The following CTNNA2 variants were observed in gnomAD, a reference collection of about 807,000 sequenced individuals.
CTNNA2 encodes catenin alpha-2.
In CTNNA2, 42 loss-of-function variants were observed where a neutral mutation model predicts 101.0. The ratio of observed to expected loss-of-function variants is 0.42; its 90% CI spans 0.32 to 0.54. The LOEUF (loss-of-function observed/expected upper bound fraction) is 0.54. Ranked by LOEUF, CTNNA2 falls within the 20% of genes least tolerant of loss-of-function variation. The pLI is 0.14. For missense variants in CTNNA2, 871 were observed against 1,223.1 expected, an observed-to-expected ratio of 0.71 and a Z score of 4.29; for synonymous variants, 450 against 456.4, an observed-to-expected ratio of 0.99 and a Z score of 0.18.
At chr2:79,683,237 G>A (rs1308363284) in intron 2 of CTNNA2, among the ~76,000 whole-genome samples, 1 of 152,192 alleles carries the variant, frequency 6.6e-6, no homozygotes, top group Admixed American at 6.5e-5. Flanking sequence ...CCTGCTTTGA[G>A]AAACAGCTTC....
At chr2:80,120,085 CCT>C (rs1208486313) in intron 7 of CTNNA2, among the ~76,000 whole-genome samples, 1 of 152,134 alleles carries the variant, frequency 6.6e-6, no homozygotes, top group Non-Finnish European at 1.5e-5. Flanking sequence ...TTTAAATTTT[CCT>C]CTCTTTCTTG....
At position 79,935,405 on chromosome 2, in the gene CTNNA2, T is replaced by TG. The variant is rs552544600; in HGVS notation, c.1056+25609dup. Among the ~76,000 whole-genome samples the TG allele has an allele frequency of 4.7e-4, 71 of 152,168 alleles. 1 individual carries two copies. The highest frequency in any genetic ancestry group is 9.1e-4 in the Non-Finnish European group (62 of 67,998). Reference sequence around the variant, plus strand: ...AAATAATTTTAAATTTACAAAAAGTTGCAGAAAAGTACAAAGAACGATATA... The same window carrying TG: ...AAATAATTTTAAATTTACAAAAAGTTGGCAGAAAAGTACAAAGAACGATATA... On this transcript the variant is annotated intron_variant, in intron 7 of 18. Coordinates refer to ENST00000402739, the MANE Select transcript of CTNNA2 (RefSeq NM_001282597.3).
intron 7 of CTNNA2, among the ~76,000 whole-genome samples, chr2:80,316,365 A>G (rs2149238234): frequency 6.6e-6 from 1 of 152,352 alleles, no homozygotes; most frequent in African/African-American, 2.4e-5. Flanking sequence ...ACAGCTAGGC[A>G]TGTACTTAAA....
intron 14 of CTNNA2, among the ~76,000 whole-genome samples, chr2:80,587,238 A>C (rs541539384): frequency 7.2e-5 from 11 of 152,292 alleles, no homozygotes; most frequent in African/African-American, 2.4e-4. Flanking sequence ...TTTGACATAC[A>C]TAAGCCTCAG....
chr2:80,078,036 T>C (rs1262904987), intron 7 of CTNNA2, among the ~76,000 whole-genome samples: 2 of 151,912 alleles, frequency 1.3e-5, no homozygotes, highest in East Asian at 3.9e-4. Flanking sequence ...AAGATTCCAC[T>C]TGTCCTACAG....
chr2:80,392,848 A>G (rs898664681), intron 7 of CTNNA2, among the ~76,000 whole-genome samples: 3 of 152,214 alleles, frequency 2.0e-5, no homozygotes, highest in Admixed American at 6.5e-5. Flanking sequence ...TTCTATTCAG[A>G]AATGTGCCTA....
At chr2:79,425,039 G>C (rs527599479) in intron 4 of CTNNA2, among the ~76,000 whole-genome samples, 1 of 152,218 alleles carries the variant, frequency 6.6e-6, no homozygotes, top group East Asian at 1.9e-4. Context: ...TCTTGCCAAG[G>C]TTTGGGCTGT....
intron 8 of CTNNA2, among the ~76,000 whole-genome samples, chr2:80,408,275 G>A (rs1286609630): frequency 6.6e-6 from 1 of 152,170 alleles, no homozygotes; most frequent in African/African-American, 2.4e-5. Flanking sequence ...CAGGCCAGGT[G>A]ACTCTACCTG....
chr2:80,202,208 A>G (rs1707253135), intron 7 of CTNNA2, among the ~76,000 whole-genome samples: 1 of 152,152 alleles, frequency 6.6e-6, no homozygotes, highest in African/African-American at 2.4e-5. Flanking sequence ...ACCTGTATGT[A>G]CCTGTATCTG....
chr2:80,352,677 G>C (rs1673419463), intron 7 of CTNNA2, among the ~76,000 whole-genome samples: 1 of 152,086 alleles, frequency 6.6e-6, no homozygotes. Context: ...TTATTTAATG[G>C]ATTGTGGAAA....
chr2:80,302,625 C>T lies in CTNNA2; in HGVS notation c.1057-90586C>T, dbSNP rs1450163681. The stretch of plus-strand genomic sequence containing the variant: ...TCGAATGTGCCGTCGTGCTGCCCCT[C>T]CCCGCCGTCCGCGAGCGTGGTGGCC... On this transcript the variant is annotated intron_variant, in intron 7 of 18. Transcript: ENST00000402739. This position sits in a 1 kb window ranked among gnomAD's most constrained non-coding sequence, Gnocchi z 6.4. 1.9e-6 allele frequency: 3 copies of T among 1,606,258 alleles called. No individual in the cohort carries two copies. The highest frequency in any genetic ancestry group is 1.7e-4 in the Middle Eastern group (1 of 6,054).
chr2:79,532,677 G>C (rs770653428), intron 1 of CTNNA2, among the ~76,000 whole-genome samples: 6 of 151,986 alleles, frequency 3.9e-5, no homozygotes, highest in Non-Finnish European at 8.8e-5. Flanking sequence ...ATTCTGTACT[G>C]TCCTCTCATC....
intron 7 of CTNNA2, among the ~76,000 whole-genome samples, chr2:80,010,511 C>T (rs1395067126): frequency 6.6e-6 from 1 of 152,020 alleles, no homozygotes; most frequent in African/African-American, 2.4e-5. Context: ...CCTCTGTTGC[C>T]AGGGCTGGTC....
At chr2:79,276,234 C>T (rs1317945745) in intron 2 of CTNNA2, among the ~76,000 whole-genome samples, 3 of 152,040 alleles carry the variant, frequency 2.0e-5, no homozygotes, top group Non-Finnish European at 4.4e-5. Flanking sequence ...GTAATTATTA[C>T]GCATAAGTCC....
At chr2:79,515,031 G>T (rs1344887140) in intron 1 of CTNNA2, among the ~76,000 whole-genome samples, 1 of 152,190 alleles carries the variant, frequency 6.6e-6, no homozygotes, top group African/African-American at 2.4e-5. Flanking sequence ...AGAGCTGATA[G>T]TTAATCACCT....
At chr2:80,243,949 T>C (rs1244203241) in intron 7 of CTNNA2, among the ~76,000 whole-genome samples, 8 of 152,308 alleles carry the variant, frequency 5.3e-5, no homozygotes, top group Non-Finnish European at 1.2e-4. Flanking sequence ...CTGCAGTTTC[T>C]ACTAGGGGAC....
At chr2:79,558,029 T>C (rs1196656352) in intron 1 of CTNNA2, among the ~76,000 whole-genome samples, 1 of 151,946 alleles carries the variant, frequency 6.6e-6, no homozygotes, top group African/African-American at 2.4e-5. Context: ...GATTTATACA[T>C]ACGTAAACGT....
intron 2 of CTNNA2, among the ~76,000 whole-genome samples, chr2:79,245,309 G>A (rs1043258142): frequency 1.3e-5 from 2 of 152,074 alleles, no homozygotes; most frequent in African/African-American, 4.8e-5. Flanking sequence ...AATTAGCCAG[G>A]CATGATGGTG....
intron 7 of CTNNA2, among the ~76,000 whole-genome samples, chr2:80,295,354 A>G (rs977710): frequency 0.57 from 86,613 of 151,696 alleles, 25,711 homozygotes; most frequent in African/African-American, 0.75. Context: ...CTAAAAACCC[A>G]ATTCTCCCAC....
Sources: allele counts gnomAD v4.1 joint callset (sites outside exome capture counted in the v4.1 genomes callset), GRCh38; gene constraint gnomAD v4.1.1; non-coding constraint Gnocchi (gnomAD v3.1); transcripts MANE v1.5; gene names NCBI Gene and HGNC (gene_info 2026-07-23, HGNC 2026-07-21).